Variants in PLCE1 observed in about 807,000 individuals in gnomAD.
PLCE1 encodes 1-phosphatidylinositol 4,5-bisphosphate phosphodiesterase epsilon-1.
PLCE1 carries 119 observed loss-of-function variants against 242.8 expected under a neutral mutation model. The observed-to-expected ratio is 0.49, with a 90% CI of 0.42 to 0.57. The LOEUF (loss-of-function observed/expected upper bound fraction) is 0.57. Ranked by LOEUF, PLCE1 falls within the 20% of genes least tolerant of loss-of-function variation. The pLI, the probability that PLCE1 is intolerant of heterozygous loss-of-function variation, is 0.00. For missense variants in PLCE1, 2,441 were observed against 2,788.8 expected (o/e 0.88, Z 2.81); for synonymous variants, 945 against 1,017.4 (o/e 0.93, Z 1.35).
rs1036348585 is a variant in PLCE1, at chr10:93,994,067, C to T, written c.-556C>T. On this transcript the variant is annotated 5_prime_UTR_variant, in exon 1 of 33. Transcript: ENST00000371380. Reference sequence around the variant, plus strand: ...CAGCGGCGGCGCGCCCGGGCTCTACCTCCCGGGCTCTGCCTCCCGGGCTCT... The same window carrying T: ...CAGCGGCGGCGCGCCCGGGCTCTACTTCCCGGGCTCTGCCTCCCGGGCTCT... 1.2e-5 allele frequency among the ~76,000 whole-genome samples: 1 copy of T among 84,934 alleles called. No individual in the cohort carries two copies. Among genetic ancestry groups the T allele is most frequent in the African/African-American group, 3.8e-5 (1 of 25,976 alleles). 55.7% of individuals were successfully genotyped at this position (84,934 alleles called of 152,430 possible). A position where few individuals can be genotyped will look rare whatever the true frequency, so the allele number is the denominator to read the frequency against.
intron 1 of PLCE1, among the ~76,000 whole-genome samples, chr10:93,998,370 A>G (rs2060869061): frequency 6.6e-6 from 1 of 152,106 alleles, no homozygotes; most frequent in Non-Finnish European, 1.5e-5. Context: ...GGGGGCATGT[A>G]TACCTCTTGC....
intron 19 of PLCE1, among the ~76,000 whole-genome samples, chr10:94,274,013 G>T (rs545757906): frequency 2.6e-5 from 4 of 152,160 alleles, no homozygotes; most frequent in Non-Finnish European, 5.9e-5. Flanking sequence ...GAGCTTAGGG[G>T]GTTGTTCATC....
intron 4 of PLCE1, among the ~76,000 whole-genome samples, chr10:94,182,492 A>G (rs1372325615): frequency 6.7e-6 from 1 of 150,270 alleles, no homozygotes; most frequent in Non-Finnish European, 1.5e-5. Flanking sequence ...CTGGCCTCAA[A>G]CTCCTGGCCT....
At chr10:94,102,578 T>C (rs1045138351) in intron 2 of PLCE1, among the ~76,000 whole-genome samples, 1 of 152,252 alleles carries the variant, frequency 6.6e-6, no homozygotes, top group Non-Finnish European at 1.5e-5. Flanking sequence ...AGGCAACTCA[T>C]GTCACACGTG....
chr10:94,202,473 C>T (rs921175230), intron 4 of PLCE1, among the ~76,000 whole-genome samples: 1 of 152,174 alleles, frequency 6.6e-6, no homozygotes, highest in Non-Finnish European at 1.5e-5. Context: ...GAGCCAAGAA[C>T]TTTACCACCA....
intron 25 of PLCE1, among the ~76,000 whole-genome samples, chr10:94,304,922 C>G (rs2053151387): frequency 6.6e-6 from 1 of 152,156 alleles, no homozygotes; most frequent in Non-Finnish European, 1.5e-5. Context: ...CCAGGGCCCA[C>G]AGAATCATAA....
chr10:94,152,182 G>A (rs772166909), intron 3 of PLCE1, among the ~76,000 whole-genome samples: 21 of 151,962 alleles, frequency 1.4e-4, no homozygotes, highest in Non-Finnish European at 2.5e-4. Flanking sequence ...AAACTAAAGA[G>A]CTCCTGGACA....
intron 2 of PLCE1, among the ~76,000 whole-genome samples, chr10:94,084,717 G>C (rs1352319132): frequency 6.6e-6 from 1 of 152,152 alleles, no homozygotes; most frequent in African/African-American, 2.4e-5. Flanking sequence ...TTCTCTTGCT[G>C]CTTAAATCTT....
rs1483493650 is a variant in PLCE1 at position 94,031,203 on chromosome 10, A to G, written c.157A>G (p.Thr53Ala). 4 of 1,613,652 alleles carry G rather than the reference A, an allele frequency of 2.5e-6. No individual in the cohort carries two copies. In the African/African-American group the frequency reaches 5.3e-5, roughly 22 times the overall value. Residue 53 changes from threonine (T) to alanine (A), a missense_variant, in exon 2 of 33, where the codon ACC becomes GCC. This residue lies in a region of PLCE1 where 393 missense variants were observed against 378.5 expected (regional missense o/e 1.04). Coordinates refer to ENST00000371380, the MANE Select transcript of PLCE1 (RefSeq NM_016341.4). ...CAGACGAAGTGGGGAGACTTCTCAT[A>G]CCATCTCACAACTGAACAAACTTAA... ...TVRRSGETSH[T>A]ISQLNKLKEE...
At chr10:94,116,932 C>T (rs1324470225) in intron 2 of PLCE1, among the ~76,000 whole-genome samples, 1 of 152,178 alleles carries the variant, frequency 6.6e-6, no homozygotes. Context: ...ATTATCCCTG[C>T]ATCTCTGACT....
At chr10:94,179,532 A>AGT (rs2048240963) in intron 4 of PLCE1, among the ~76,000 whole-genome samples, 1 of 2,302 alleles carries the variant, frequency 4.3e-4, no homozygotes. Flanking sequence ...TTTTTTTTTG[A>AGT]CAGGGTCTCT....
intron 3 of PLCE1, among the ~76,000 whole-genome samples, chr10:94,160,193 C>T (rs917627175): frequency 1.3e-5 from 2 of 152,184 alleles, no homozygotes; most frequent in African/African-American, 4.8e-5. Flanking sequence ...GGAATCGCCA[C>T]ACTAACTTCC....
intron 2 of PLCE1, among the ~76,000 whole-genome samples, chr10:94,125,481 C>T (rs951653619): frequency 1.3e-5 from 2 of 152,058 alleles, no homozygotes; most frequent in African/African-American, 4.8e-5. Flanking sequence ...CAAGCTCCGC[C>T]TCCTGGGTTC....
rs1554877545 is a variant in PLCE1, at chr10:94,179,512, G to GTTTTTTTTTTT, written c.1809+8024_1809+8034dup. On this transcript the variant is annotated intron_variant, in intron 4 of 32. Coordinates refer to ENST00000371380, the MANE Select transcript of PLCE1 (RefSeq NM_016341.4). ...TTTATCTTATTTTTATTTTAGTTTA[G>GTTTTTTTTTTT]TTTTTTTTTTTTTTTTTTGACAGGG... Among the ~76,000 whole-genome samples, 22 of 19,384 alleles carry GTTTTTTTTTTT rather than the reference G, an allele frequency of 1.1e-3. 2 individuals are homozygous for GTTTTTTTTTTT. The highest frequency in any genetic ancestry group is 3.2e-3 in the African/African-American group (20 of 6,290). 12.7% of individuals were successfully genotyped at this position (19,384 alleles called of 152,430 possible). A position where few individuals can be genotyped will look rare whatever the true frequency, so the allele number is the denominator to read the frequency against.
chr10:94,200,628 A>G (rs1292392091), intron 4 of PLCE1, among the ~76,000 whole-genome samples: 1 of 152,198 alleles, frequency 6.6e-6, no homozygotes, highest in Non-Finnish European at 1.5e-5. Flanking sequence ...CCTACTTGTT[A>G]AAGTATGAGC....
intron 2 of PLCE1, among the ~76,000 whole-genome samples, chr10:94,131,298 C>T (rs1272640845): frequency 3.3e-5 from 5 of 152,144 alleles, no homozygotes; most frequent in Non-Finnish European, 5.9e-5. Flanking sequence ...TAATGTCAAA[C>T]CTTATAATTT....
intron 2 of PLCE1, among the ~76,000 whole-genome samples, chr10:94,093,658 T>C (rs964875547): frequency 2.0e-5 from 3 of 152,230 alleles, no homozygotes; most frequent in African/African-American, 7.2e-5. Flanking sequence ...CTCCCATTTA[T>C]CTCAGGCCTT....
chr10:94,177,384 C>G (rs992770774), intron 4 of PLCE1, among the ~76,000 whole-genome samples: 1 of 152,192 alleles, frequency 6.6e-6, no homozygotes, highest in Non-Finnish European at 1.5e-5. Flanking sequence ...GGCAGTCTCT[C>G]TTTATCCTTG....
chr10:94,065,546 C>T (rs372181664), intron 2 of PLCE1, among the ~76,000 whole-genome samples: 3 of 152,100 alleles, frequency 2.0e-5, no homozygotes, highest in East Asian at 1.9e-4. Context: ...TTAGTCAGAT[C>T]GCAGGCATGA....
Sources: gnomAD v4.1 joint callset for allele counts (sites outside exome capture counted in the v4.1 genomes callset) on GRCh38, gnomAD v4.1.1 for gene constraint, gnomAD v4.1.1 regional missense constraint, MANE v1.5 for transcripts, NCBI Gene and HGNC (gene_info 2026-07-23, HGNC 2026-07-21) for gene names.